The following ARHGEF16 variants were observed in gnomAD, a reference collection of about 807,000 sequenced individuals.
The protein encoded by ARHGEF16 is Rho guanine nucleotide exchange factor 16.
A neutral mutation model predicts 74.1 loss-of-function variants in ARHGEF16; 59 were observed. That is an observed-to-expected ratio of 0.80 (90% CI 0.65 to 0.99). The LOEUF (loss-of-function observed/expected upper bound fraction) is 0.99, where lower values mean the gene tolerates loss of function less well. Among genes scored for constraint, ARHGEF16 ranks in the 50% least tolerant of loss-of-function variants. The pLI is 0.00. For missense variants in ARHGEF16, 948 were observed against 986.6 expected (o/e 0.96, Z 0.52); for synonymous variants, 415 against 412.6 (o/e 1.01, Z -0.07).
In ARHGEF16 at chr1:3,480,881, C is replaced by T. The variant is rs1029653911; in HGVS notation, c.*294C>T. 13 of 497,686 alleles carry T rather than the reference C, an allele frequency of 2.6e-5. No homozygotes were observed. The highest frequency in any genetic ancestry group is 4.7e-5 in the Non-Finnish European group (13 of 277,950). 30.8% of individuals were successfully genotyped at this position (497,686 alleles called of 1,614,324 possible). A position where few individuals can be genotyped will look rare whatever the true frequency, so the allele number is the denominator to read the frequency against. On this transcript the variant is annotated 3_prime_UTR_variant, in exon 15 of 15. Transcript: ENST00000378378. ...GCTGCTGGGCCCCACCTCCCCACTG[C>T]ACCCAGGGGGCAACTCCACCTGGAC...
intron 8 of ARHGEF16, chr1:3,474,373 A>G (rs140666204): frequency 0.019 from 6,259 of 322,268 alleles, 81 homozygotes; most frequent in Middle Eastern, 0.032. Context: ...CAGAACCTCA[A>G]ACTCCTGGGG....
Position 3,469,542 on chromosome 1 carries a change from A to C in ARHGEF16, c.971A>C (p.Glu324Ala), listed in dbSNP as rs1261604185. ...KELRATVTQMEHHHLFSNILD... is the reference protein window; with the variant it reads ...KELRATVTQMAHHHLFSNILD... ...CTGCGGGCGACCGTGACCCAGATGG[A>C]GCACCACCACCTCTTCTCCAACATC... The change falls in exon 6 of 15, where the codon GAG becomes GCG. Residue 324 changes from glutamate to alanine, a missense_variant. By Grantham distance (107) the Glu-to-Ala change is moderately radical. Coordinates refer to ENST00000378378, the MANE Select transcript of ARHGEF16 (RefSeq NM_014448.4). The C allele has an allele frequency of 6.2e-7, 1 of 1,613,028 alleles. No individual in the cohort carries two copies. Among genetic ancestry groups the C allele is most frequent in the Non-Finnish European group, 8.5e-7 (1 of 1,179,970 alleles).
At chr1:3,461,256 G>T (rs966194412) in intron 1 of ARHGEF16, among the ~76,000 whole-genome samples, 1 of 152,240 alleles carries the variant, frequency 6.6e-6, no homozygotes, top group African/African-American at 2.4e-5. Flanking sequence ...AGCTCCCTGA[G>T]CATAGGGAGC....
chr1:3,460,858 C>T (rs1329498038), intron 1 of ARHGEF16, among the ~76,000 whole-genome samples: 2 of 152,288 alleles, frequency 1.3e-5, no homozygotes, highest in African/African-American at 4.8e-5. Flanking sequence ...GCCTGGGAGG[C>T]TCAGCCGCAC....
At position 3,471,622 on chromosome 1, in the gene ARHGEF16, C is replaced by T. The variant is rs1455315918; in HGVS notation, c.1023-1456C>T. ...AGGCAGGCTTTGTGTTCTCTGAGCTCTGTGTCCTCCGGTCCCCTCTGCCTC... is the reference window on the plus strand; with the variant it reads ...AGGCAGGCTTTGTGTTCTCTGAGCTTTGTGTCCTCCGGTCCCCTCTGCCTC... On this transcript the variant is annotated intron_variant, in intron 6 of 14. Coordinates refer to ENST00000378378, the MANE Select transcript of ARHGEF16 (RefSeq NM_014448.4). The T allele has an allele frequency of 4.3e-6, 5 of 1,157,758 alleles. No individual in the cohort carries two copies. In the South Asian group the frequency reaches 6.6e-5, roughly 15 times the overall value. The allele number at this position is 1,157,758 out of a possible 1,614,324, so 71.7% of individuals were successfully genotyped here.
intron 3 of ARHGEF16, among the ~76,000 whole-genome samples, chr1:3,466,545 G>T (rs780678524): frequency 1.1e-4 from 17 of 152,186 alleles, no homozygotes; most frequent in Non-Finnish European, 1.8e-4. Flanking sequence ...CCACACCGCG[G>T]GCTCTGCCCG....
rs1351021994 is a variant in ARHGEF16 at position 3,480,810 on chromosome 1, G to A, written c.*223G>A. On this transcript the variant is annotated 3_prime_UTR_variant, in exon 15 of 15. Coordinates refer to ENST00000378378, the MANE Select transcript of ARHGEF16 (RefSeq NM_014448.4). ...GGCAAGCTCGAGGGGGCCACACCGT[G>A]TCCCAGGGAGCCCAGCCTATTCCCG... 1.1e-5 allele frequency: 7 copies of A among 632,734 alleles called. No individual in the cohort carries two copies. Among genetic ancestry groups the A allele is most frequent in the Admixed American group, 9.7e-5 (3 of 31,018 alleles). 39.2% of individuals were successfully genotyped at this position (632,734 alleles called of 1,614,324 possible).
intron 12 of ARHGEF16, among the ~76,000 whole-genome samples, chr1:3,479,062 G>A (rs1292930744): frequency 6.6e-6 from 1 of 152,222 alleles, no homozygotes; most frequent in Non-Finnish European, 1.5e-5. Context: ...TCAGACAGCA[G>A]GGTGGTCCTG....
intron 10 of ARHGEF16, among the ~76,000 whole-genome samples, chr1:3,477,031 C>A (rs540985661): frequency 3.3e-5 from 5 of 151,996 alleles, no homozygotes; most frequent in Non-Finnish European, 7.4e-5. Context: ...CTCTCACCCC[C>A]ACATGGTCTT....
chr1:3,465,470 G>T (rs1170617482), intron 2 of ARHGEF16, among the ~76,000 whole-genome samples: 1 of 152,108 alleles, frequency 6.6e-6, no homozygotes, highest in East Asian at 1.9e-4. Context: ...AGTCCTTGAG[G>T]TGGGGTGCGG....
At chr1:3,455,083 C>T (rs914971089) in intron 1 of ARHGEF16, among the ~76,000 whole-genome samples, 1 of 151,996 alleles carries the variant, frequency 6.6e-6, no homozygotes, top group African/African-American at 2.4e-5. Flanking sequence ...TGCCCCCGCC[C>T]GCTCGCTCGC....
intron 4 of ARHGEF16, among the ~76,000 whole-genome samples, chr1:3,468,138 T>C (rs1401681608): frequency 6.6e-6 from 1 of 152,098 alleles, no homozygotes; most frequent in Non-Finnish European, 1.5e-5. Context: ...GGGCGTGTGG[T>C]CTCCCTCTGT....
chr1:3,471,211 G>A (rs1039175589), intron 6 of ARHGEF16, among the ~76,000 whole-genome samples: 3 of 151,988 alleles, frequency 2.0e-5, no homozygotes, highest in Non-Finnish European at 2.9e-5. Flanking sequence ...CCGGAGCATC[G>A]AGTCTCCTGA....
chr1:3,471,453 T>TGG (rs1639719901), intron 6 of ARHGEF16, among the ~76,000 whole-genome samples: 2 of 152,040 alleles, frequency 1.3e-5, no homozygotes, highest in Admixed American at 6.5e-5. Context: ...GGAGCCGCCT[T>TGG]GTCCCTGGAG....
At chr1:3,474,128 T>C (rs1297137205) in intron 8 of ARHGEF16, 4 of 191,628 alleles carry the variant, frequency 2.1e-5, no homozygotes, top group African/African-American at 4.7e-5. Context: ...ACACACTGCA[T>C]TGCACCGATG....
intron 1 of ARHGEF16, 47 bp from the exon 2 acceptor site, chr1:3,463,019 G>A (rs1639439891): frequency 2.2e-6 from 3 of 1,342,950 alleles, no homozygotes; most frequent in East Asian, 5.1e-5. Flanking sequence ...ACCCGCGGGG[G>A]CAGGGGAGAG....
At chr1:3,470,764 G>T (rs1639691346) in intron 6 of ARHGEF16, among the ~76,000 whole-genome samples, 1 of 146,756 alleles carries the variant, frequency 6.8e-6, no homozygotes, top group Non-Finnish European at 1.5e-5. Context: ...GGCCCGGAGG[G>T]TGGCTCGGGA....
Position 3,470,459 on chromosome 1 carries a change from G to A in ARHGEF16, c.1022+866G>A, listed in dbSNP as rs563818692. On this transcript the variant is annotated intron_variant, in intron 6 of 14. Transcript: ENST00000378378. The stretch of plus-strand genomic sequence containing the variant: ...GGTGTGTATGCATGGTTGTGTGTGC[G>A]CGGGTGTGTGCATGGATGTGTGTGC... Among the ~76,000 whole-genome samples, 275 of 150,826 alleles carry A rather than the reference G, an allele frequency of 1.8e-3. 1 individual carries two copies. The highest frequency in any genetic ancestry group is 3.3e-3 in the Admixed American group (50 of 15,154).
At chr1:3,479,484 C>T in intron 12 of ARHGEF16, 33 bp from the exon 13 acceptor site, 1 of 1,610,702 alleles carries the variant, frequency 6.2e-7, no homozygotes. Context: ...GGATCGGTCT[C>T]CAGGCCTGGC....
Sources: allele counts gnomAD v4.1 joint callset (sites outside exome capture counted in the v4.1 genomes callset), GRCh38; gene constraint gnomAD v4.1.1; transcripts MANE v1.5; gene names NCBI Gene and HGNC (gene_info 2026-07-23, HGNC 2026-07-21).